The following ENAH variants were observed in gnomAD, a reference collection of about 807,000 sequenced individuals.
ENAH encodes protein enabled homolog.
In ENAH, 23 loss-of-function variants were observed where a neutral mutation model predicts 78.7. The observed-to-expected ratio is 0.29, with a 90% CI of 0.21 to 0.41. The LOEUF is 0.41. Among genes scored for constraint, ENAH ranks in the 10% least tolerant of loss-of-function variants. The pLI, the probability that ENAH is intolerant of heterozygous loss-of-function variation, is 1.00. For missense variants in ENAH, 544 were observed against 691.0 expected (o/e 0.79, Z 2.39); for synonymous variants, 226 against 241.0 (o/e 0.94, Z 0.58).
At chr1:225,536,498 G>A (rs1019588203) in intron 3 of ENAH, among the ~76,000 whole-genome samples, 4 of 151,878 alleles carry the variant, frequency 2.6e-5, no homozygotes, top group Middle Eastern at 3.4e-3. Flanking sequence ...TTCTTTTTCC[G>A]TTGGTATTAA....
chr1:225,556,001 T>C (rs1053056326), intron 2 of ENAH, among the ~76,000 whole-genome samples: 2 of 152,234 alleles, frequency 1.3e-5, no homozygotes, highest in Admixed American at 6.5e-5. Context: ...ATCTGCTCTC[T>C]TATCCTCAAA....
intron 1 of ENAH, among the ~76,000 whole-genome samples, chr1:225,631,417 A>T (rs1659018527): frequency 6.6e-6 from 1 of 151,902 alleles, no homozygotes; most frequent in South Asian, 2.1e-4. Flanking sequence ...TATAAAAAAA[A>T]AAAAAAATTG....
At chr1:225,579,794 A>G (rs2096806231) in intron 1 of ENAH, among the ~76,000 whole-genome samples, 1 of 152,242 alleles carries the variant, frequency 6.6e-6, no homozygotes, top group Non-Finnish European at 1.5e-5. Flanking sequence ...AAAAAGAAAT[A>G]ATATATTTTC....
Position 225,492,484 on chromosome 1 carries a change from C to T in ENAH, c.*5291G>A, listed in dbSNP as rs2096226836. The T allele has an allele frequency of 6.6e-6, 1 of 152,236 alleles. No individual in the cohort carries two copies. The highest frequency in any genetic ancestry group is 1.5e-5 in the Non-Finnish European group (1 of 68,070). The allele number at this position is 152,236 out of a possible 1,614,324, so 9.4% of individuals were successfully genotyped here. A position where few individuals can be genotyped will look rare whatever the true frequency, so the allele number is the denominator to read the frequency against. ...GGGGCCCCTAATTTTCTCCCTCTGCCTAGAATTCCTGTGTCCTACACCAGA... is the reference window on the plus strand; with the variant it reads ...GGGGCCCCTAATTTTCTCCCTCTGCTTAGAATTCCTGTGTCCTACACCAGA... On this transcript the variant is annotated 3_prime_UTR_variant, in exon 14 of 14. Transcript: ENST00000366843.
chr1:225,641,787 G>A (rs1031827036), intron 1 of ENAH, among the ~76,000 whole-genome samples: 6 of 152,076 alleles, frequency 3.9e-5, no homozygotes, highest in Non-Finnish European at 8.8e-5. Context: ...TTGGGAGGCC[G>A]AGGCAGGCAG....
At chr1:225,546,503 T>G (rs2096614535) in intron 3 of ENAH, among the ~76,000 whole-genome samples, 1 of 152,158 alleles carries the variant, frequency 6.6e-6, no homozygotes, top group African/African-American at 2.4e-5. Flanking sequence ...CAAGAGAGTC[T>G]GGCCCTAACA....
chr1:225,583,632 C>T (rs1425468458), intron 1 of ENAH, among the ~76,000 whole-genome samples: 1 of 150,440 alleles, frequency 6.6e-6, no homozygotes, highest in Non-Finnish European at 1.5e-5. Context: ...CATGGTGAAA[C>T]CCTGTCTCTA....
intron 1 of ENAH, among the ~76,000 whole-genome samples, chr1:225,650,768 T>C (rs1437919931): frequency 1.4e-5 from 2 of 144,030 alleles, no homozygotes; most frequent in African/African-American, 5.3e-5. Context: ...GAGAATCGCT[T>C]GAACCCAGGA....
At chr1:225,567,112 G>A in intron 2 of ENAH, 137 bp downstream of exon 2, 1 of 908,888 alleles carries the variant, frequency 1.1e-6, no homozygotes, top group Non-Finnish European at 1.6e-6. Context: ...AAAGGGTGGA[G>A]AGACAATTTT....
chr1:225,553,576 A>G (rs567617314), intron 3 of ENAH, among the ~76,000 whole-genome samples: 2 of 146,948 alleles, frequency 1.4e-5, no homozygotes, highest in South Asian at 2.1e-4. Flanking sequence ...GATATTAAGA[A>G]AAAAAAAAAA....
intron 4 of ENAH, among the ~76,000 whole-genome samples, chr1:225,527,808 T>A (rs2096517155): frequency 6.6e-6 from 1 of 152,142 alleles, no homozygotes; most frequent in Non-Finnish European, 1.5e-5. Flanking sequence ...AAACTCCTAC[T>A]TTATTGCCTC....
intron 1 of ENAH, among the ~76,000 whole-genome samples, chr1:225,639,736 ACACACAC>A (rs1009114952): frequency 2.0e-5 from 3 of 149,472 alleles, no homozygotes; most frequent in African/African-American, 7.7e-5. Flanking sequence ...ACACACACAC[ACACACAC>A]AAGAAGGATG....
In ENAH at chr1:225,650,848, TAAAAAAAAAAAA is replaced by T. The variant is rs746549168; in HGVS notation, c.5+1826_5+1837del. On this transcript the variant is annotated intron_variant, in intron 1 of 13. Transcript: ENST00000366843. ...CTGGGCAAGAGAGCAAGACTGCATT[TAAAAAAAAAAAA>T]AAAAAAAAAAAAAAAAAACTTTCCC... is the stretch of plus-strand genomic sequence containing the variant. Among the ~76,000 whole-genome samples the T allele has an allele frequency of 1.9e-3, 113 of 58,948 alleles. No homozygotes were observed. The East Asian group carries it at 0.034, about 18-fold the overall frequency. 38.7% of individuals were successfully genotyped at this position (58,948 alleles called of 152,430 possible).
At chr1:225,558,768 G>A (rs2096683270) in intron 2 of ENAH, among the ~76,000 whole-genome samples, 1 of 151,422 alleles carries the variant, frequency 6.6e-6, no homozygotes, top group African/African-American at 2.4e-5. Flanking sequence ...CGAGTAGCTG[G>A]GACTACAGGC....
chr1:225,548,391 T>C (rs2096625487), intron 3 of ENAH, among the ~76,000 whole-genome samples: 1 of 152,246 alleles, frequency 6.6e-6, no homozygotes, highest in Non-Finnish European at 1.5e-5. Flanking sequence ...CTTTTGACTC[T>C]AAACTCAAGT....
At chr1:225,613,857 TCA>T (rs1330059650) in intron 1 of ENAH, among the ~76,000 whole-genome samples, 5 of 152,184 alleles carry the variant, frequency 3.3e-5, no homozygotes, top group Non-Finnish European at 7.4e-5. Context: ...GGAAATAACA[TCA>T]CATCCCATAG....
chr1:225,585,214 TCAAAAAAAA>T (rs1312605080), intron 1 of ENAH, among the ~76,000 whole-genome samples: 1 of 20,786 alleles, frequency 4.8e-5, no homozygotes, highest in Non-Finnish European at 7.5e-5. Context: ...ATACCCTGTC[TCAAAAAAAA>T]AAAAAAAAAA....
rs1034143021 is a variant in ENAH, at chr1:225,632,802, G to A, written c.5+19884C>T. ...GCCCCCCAGGGCTCACAAACTGGAA[G>A]TCATTAATCCAGTGGAAAAGTTCAA... is the stretch of plus-strand genomic sequence containing the variant. On this transcript the variant is annotated intron_variant, in intron 1 of 13. Transcript: ENST00000366843. Among the ~76,000 whole-genome samples the A allele has an allele frequency of 1.1e-4, 16 of 152,220 alleles. No homozygotes were observed. In the East Asian group the frequency reaches 1.9e-3, roughly 18 times the overall value.
At chr1:225,505,791 A>G (rs2096323843) in intron 11 of ENAH, among the ~76,000 whole-genome samples, 1 of 152,208 alleles carries the variant, frequency 6.6e-6, no homozygotes. Flanking sequence ...ATCTATCAAA[A>G]GATATATGAG....
Sources: allele counts gnomAD v4.1 joint callset (sites outside exome capture counted in the v4.1 genomes callset), GRCh38; gene constraint gnomAD v4.1.1; transcripts MANE v1.5; gene names NCBI Gene and HGNC (gene_info 2026-07-23, HGNC 2026-07-21).